GRM7: variants seen among roughly 807,000 people sequenced by gnomAD.
GRM7 encodes the protein metabotropic glutamate receptor 7.
Under a neutral mutation model 84.5 loss-of-function variants are expected in GRM7, and 35 were observed. That is an observed-to-expected ratio of 0.41 (90% confidence interval 0.32 to 0.55). The LOEUF is 0.55. Among genes scored for constraint, GRM7 ranks in the 20% least tolerant of loss-of-function variants. GRM7 has a pLI of 0.19. For missense variants in GRM7, 1,003 were observed against 1,194.6 expected (o/e 0.84, Z 2.36); for synonymous variants, 487 against 455.1 (o/e 1.07, Z -0.89).
chr3:7,510,561 C>G (rs182945858), intron 7 of GRM7, among the ~76,000 whole-genome samples: 1 of 152,166 alleles, frequency 6.6e-6, no homozygotes, highest in East Asian at 1.9e-4. Flanking sequence ...ACATTATAGT[C>G]AGTCTTCGGT....
intron 6 of GRM7, among the ~76,000 whole-genome samples, chr3:7,455,726 A>T (rs1206331525): frequency 6.6e-6 from 1 of 152,180 alleles, no homozygotes; most frequent in Non-Finnish European, 1.5e-5. Flanking sequence ...GTCAAATGTA[A>T]TGGGGAAATA....
At position 7,666,835 on chromosome 3, in the gene GRM7, C is replaced by T. The variant is rs113099267; in HGVS notation, c.2452-13214C>T. Among the ~76,000 whole-genome samples, 347 of 151,910 alleles carry T rather than the reference C, an allele frequency of 2.3e-3. 3 individuals are homozygous for T. Among genetic ancestry groups the T allele is most frequent in the African/African-American group, 8.1e-3 (337 of 41,426 alleles). On this transcript the variant is annotated intron_variant, in intron 8 of 9. Transcript: ENST00000357716. ...AGCCAACCAGAAAACAAACCTGATA[C>T]GAAGTATAAAAAGTGAGGGAAATAC... is the stretch of plus-strand genomic sequence containing the variant.
In GRM7 at chr3:7,063,984, G is replaced by A. The variant is rs374373023; in HGVS notation, c.520-82468G>A. 1.0e-4 allele frequency among the ~76,000 whole-genome samples: 15 copies of A among 148,286 alleles called. No individual in the cohort carries two copies. In the East Asian group the frequency reaches 2.9e-3, roughly 28 times the overall value. On this transcript the variant is annotated intron_variant, in intron 1 of 9. Transcript: ENST00000357716. Reference sequence around the variant, plus strand: ...CAAAAGGTGGTGGGTATGCAGCGTGGGATCTTCTGATCCACACAGTCATTT... The same window carrying A: ...CAAAAGGTGGTGGGTATGCAGCGTGAGATCTTCTGATCCACACAGTCATTT...
At chr3:7,143,848 C>CT (rs1694026014) in intron 1 of GRM7, among the ~76,000 whole-genome samples, 1 of 152,178 alleles carries the variant, frequency 6.6e-6, no homozygotes. Context: ...TGTTTGGCTT[C>CT]TTTCCTTTTC....
chr3:7,240,366 T>A lies in GRM7; in HGVS notation c.737-58318T>A, dbSNP rs9834516. 5.8e-3 allele frequency among the ~76,000 whole-genome samples: 887 copies of A among 151,834 alleles called. 6 individuals carry two copies. Among genetic ancestry groups the A allele is most frequent in the African/African-American group, 0.02 (831 of 41,430 alleles). Reference sequence around the variant, plus strand: ...ATTGTTTTTTTTTTAATCAGAAATCTCCTAATTTTAAAATACACCAAATAA... The same window carrying A: ...ATTGTTTTTTTTTTAATCAGAAATCACCTAATTTTAAAATACACCAAATAA... On this transcript the variant is annotated intron_variant, in intron 2 of 9. Transcript: ENST00000357716.
At chr3:7,683,943 A>G (rs1189180436) in intron 9 of GRM7, among the ~76,000 whole-genome samples, 3 of 152,186 alleles carry the variant, frequency 2.0e-5, no homozygotes, top group Non-Finnish European at 2.9e-5. Flanking sequence ...GTCAAAACTC[A>G]AAGAAATAAA....
At chr3:7,590,189 C>T (rs1695712083) in intron 8 of GRM7, among the ~76,000 whole-genome samples, 1 of 152,158 alleles carries the variant, frequency 6.6e-6, no homozygotes, top group African/African-American at 2.4e-5. Context: ...GAGGATCCAT[C>T]ACTTGCTTTT....
intron 2 of GRM7, among the ~76,000 whole-genome samples, chr3:7,234,883 A>G (rs12488455): frequency 0.081 from 12,291 of 152,264 alleles, 744 homozygotes; most frequent in Non-Finnish European, 0.12. Flanking sequence ...GCCAGATCAA[A>G]AAGTCCTTCA....
intron 1 of GRM7, among the ~76,000 whole-genome samples, chr3:7,097,720 G>T (rs747008715): frequency 2.0e-4 from 30 of 151,988 alleles, no homozygotes; most frequent in Non-Finnish European, 3.7e-4. Flanking sequence ...TAAAAACTTC[G>T]CTGTGAGGTC....
chr3:7,290,875 G>A (rs1307079357), intron 2 of GRM7, among the ~76,000 whole-genome samples: 2 of 151,974 alleles, frequency 1.3e-5, no homozygotes, highest in South Asian at 2.1e-4. Context: ...CAAAGATCAC[G>A]CAGAGAGCTA....
In GRM7 at chr3:6,944,049, C is replaced by G. The variant is rs999915952; in HGVS notation, c.519+82142C>G. On this transcript the variant is annotated intron_variant, in intron 1 of 9. Transcript: ENST00000357716. The stretch of plus-strand genomic sequence containing the variant: ...CCTTTTATTTTGCAATTCTCATAAA[C>G]TCATTTTTTAGTTTTATAAACTTTT... Among the ~76,000 whole-genome samples the G allele has an allele frequency of 3.3e-5, 5 of 151,994 alleles. No homozygotes were observed. In the South Asian group the frequency reaches 8.3e-4, roughly 25 times the overall value.
intron 2 of GRM7, among the ~76,000 whole-genome samples, chr3:7,264,749 C>A (rs1399848703): frequency 6.6e-6 from 1 of 152,144 alleles, no homozygotes; most frequent in Middle Eastern, 3.4e-3. Flanking sequence ...CATTTCCTAG[C>A]TTCCAGGGTG....
At chr3:7,564,897 G>A (rs1399184722) in intron 7 of GRM7, among the ~76,000 whole-genome samples, 2 of 152,132 alleles carry the variant, frequency 1.3e-5, no homozygotes, top group African/African-American at 2.4e-5. Flanking sequence ...TACTGAAGGA[G>A]AGTGTTCAGA....
intron 2 of GRM7, among the ~76,000 whole-genome samples, chr3:7,271,290 T>C (rs1324424846): frequency 1.4e-4 from 22 of 152,116 alleles, no homozygotes. Context: ...CCGGGCGCAG[T>C]GGCTAACGCC....
chr3:7,372,725 C>T (rs1694191823), intron 4 of GRM7, among the ~76,000 whole-genome samples: 1 of 152,056 alleles, frequency 6.6e-6, no homozygotes, highest in Admixed American at 6.6e-5. Context: ...ATGAACAATT[C>T]ATCATTTTAT....
chr3:7,639,012 C>A (rs1220398905), intron 8 of GRM7, among the ~76,000 whole-genome samples: 2 of 152,186 alleles, frequency 1.3e-5, no homozygotes, highest in East Asian at 1.9e-4. Context: ...TCTCATAGAC[C>A]TGTTATTATT....
At chr3:7,476,598 A>G (rs1575394509) in intron 7 of GRM7, among the ~76,000 whole-genome samples, 1 of 152,164 alleles carries the variant, frequency 6.6e-6, no homozygotes, top group East Asian at 1.9e-4. Flanking sequence ...AGTGGCTGAT[A>G]CAATAAATAT....
chr3:7,579,568 A>G (rs1695143718), intron 8 of GRM7, among the ~76,000 whole-genome samples: 2 of 152,220 alleles, frequency 1.3e-5, no homozygotes, highest in South Asian at 4.1e-4. Flanking sequence ...AACCAGATGT[A>G]GCCTTTTCAA....
In GRM7 at chr3:7,309,747, A is replaced by G. The variant is rs566629781; in HGVS notation, c.1033+3095A>G. Among the ~76,000 whole-genome samples, 13 of 152,088 alleles carry G rather than the reference A, an allele frequency of 8.5e-5. No homozygotes were observed. In the East Asian group the frequency reaches 1.5e-3, roughly 18 times the overall value. On this transcript the variant is annotated intron_variant, in intron 4 of 9. Coordinates refer to ENST00000357716, the MANE Select transcript of GRM7 (RefSeq NM_000844.4). ...TATTCTCCATTTGTGGAAAAAGGGA[A>G]CTTTAGTGTTTCTTAGCCAAGGGTG...
Sources: gnomAD v4.1 joint callset for allele counts (sites outside exome capture counted in the v4.1 genomes callset) on GRCh38, gnomAD v4.1.1 for gene constraint, MANE v1.5 for transcripts, NCBI Gene and HGNC (gene_info 2026-07-23, HGNC 2026-07-21) for gene names.